The following ITGB2 variants were observed in gnomAD, a reference collection of about 807,000 sequenced individuals.
ITGB2 encodes integrin beta-2.
A neutral mutation model predicts 86.8 loss-of-function variants in ITGB2; 56 were observed. The ratio of observed to expected loss-of-function variants is 0.65; its 90% CI spans 0.52 to 0.81. ITGB2 has a LOEUF of 0.81. Ranked by LOEUF, ITGB2 falls within the 30% of genes least tolerant of loss-of-function variation. The pLI is 0.00. For missense variants in ITGB2, 948 were observed against 1,061.2 expected (o/e 0.89, Z 1.48); for synonymous variants, 457 against 450.4 (o/e 1.01, Z -0.19).
intron 1 of ITGB2, 31 bp from the exon 2 acceptor site, chr21:44,910,816 T>C (rs376426033): frequency 1.2e-6 from 2 of 1,606,164 alleles, no homozygotes; most frequent in African/African-American, 2.7e-5. Context: ...GGTGACGGTC[T>C]CAGGCCCAAC....
At chr21:44,892,604 C>CAAAAAAAAAAAAAAAAA in intron 10 of ITGB2, among the ~76,000 whole-genome samples, 1 of 71,144 alleles carries the variant, frequency 1.4e-5, no homozygotes, top group Non-Finnish European at 2.6e-5. Context: ...AACTCCATCT[C>CAAAAAAAAAAAAAAAAA]AAAAAAAAAA....
intron 15 of ITGB2, 125 bp from the exon 16 acceptor site, chr21:44,886,555 C>T (rs531788752): frequency 7.1e-7 from 1 of 1,399,128 alleles, no homozygotes; most frequent in East Asian, 2.3e-5. Flanking sequence ...GGGGCAGCCC[C>T]CCCAGGGTCC....
intron 4 of ITGB2, among the ~76,000 whole-genome samples, chr21:44,905,529 C>A (rs557182363): frequency 6.6e-6 from 1 of 152,348 alleles, no homozygotes; most frequent in South Asian, 2.1e-4. Flanking sequence ...TGGCCACAGG[C>A]AACACCTCTG....
chr21:44,910,407 T>C, intron 2 of ITGB2, 35 bp from the exon 3 acceptor site: 1 of 1,613,692 alleles, frequency 6.2e-7, no homozygotes, highest in South Asian at 1.1e-5. Context: ...GTGGGTGCTC[T>C]GGGCCGCCCT....
intron 13 of ITGB2, 146 bp downstream of exon 13, chr21:44,889,130 G>A (rs2083745211): frequency 1.5e-5 from 12 of 796,906 alleles, no homozygotes; most frequent in South Asian, 9.7e-5. Context: ...CACGGCGGCC[G>A]CGGAGGGCCC....
chr21:44,912,213 G>T (rs1330246968), intron 1 of ITGB2, among the ~76,000 whole-genome samples: 1 of 152,182 alleles, frequency 6.6e-6, no homozygotes, highest in African/African-American at 2.4e-5. Flanking sequence ...GGTTCAGTGG[G>T]CAGACCCAAG....
At position 44,888,868 on chromosome 21, in the gene ITGB2, T is replaced by C. The variant is rs2083738680; in HGVS notation, c.1905A>G (p.Glu635=). 1 of 1,607,948 alleles carries C rather than the reference T, an allele frequency of 6.2e-7. No individual in the cohort carries two copies. The highest frequency in any genetic ancestry group is 1.1e-5 in the South Asian group (1 of 91,086). ...TGCAGTTCTTCCCAAAGGGGCCCTTTTCGAACTTCAGGCACTCGGCGCAGG... is the reference window on the plus strand; with the variant it reads ...TGCAGTTCTTCCCAAAGGGGCCCTTCTCGAACTTCAGGCACTCGGCGCAGG... ...YISCAECLKF[E]KGPFGKNCSA... Residue 635 remains glutamate (E), a synonymous_variant, in exon 14 of 16, where the codon GAA becomes GAG. Coordinates refer to ENST00000652462, the MANE Select transcript of ITGB2 (RefSeq NM_000211.5).
chr21:44,910,157 A>G, intron 3 of ITGB2, 127 bp downstream of exon 3: 1 of 1,228,694 alleles, frequency 8.1e-7, no homozygotes, highest in South Asian at 1.5e-5. Context: ...GGGTGAGGCC[A>G]GGGTCTGGGG....
rs746369180 is a variant in ITGB2 at position 44,894,968 on chromosome 21, C to G, written c.1083+3G>C. ...TCCCAGCTGAGTGGTGCGGGAGACT[C>G]ACATTGTAAGCATTCTTAATGAGAT... On this transcript the variant is annotated splice_donor_region_variant and intron_variant, in intron 9 of 15. Transcript: ENST00000652462. 6.3e-7 allele frequency: 1 copy of G among 1,596,002 alleles called. No homozygotes were observed. The highest frequency in any genetic ancestry group is 1.7e-5 in the Admixed American group (1 of 59,984).
intron 8 of ITGB2, among the ~76,000 whole-genome samples, chr21:44,896,666 G>A (rs2083875454): frequency 6.6e-6 from 1 of 152,216 alleles, no homozygotes; most frequent in Admixed American, 6.5e-5. Flanking sequence ...TGGGAGAGCT[G>A]GGCCCTCCCA....
intron 13 of ITGB2, 157 bp downstream of exon 13, chr21:44,889,111 ACACAGGGG>A (rs1481811416): frequency 5.2e-5 from 37 of 707,588 alleles, no homozygotes; most frequent in Non-Finnish European, 7.6e-5. Context: ...GGGAGGAGGG[ACACAGGGG>A]CACGGCGGCC....
At chr21:44,919,022 C>CG (rs2084254718) in intron 1 of ITGB2, among the ~76,000 whole-genome samples, 1 of 143,898 alleles carries the variant, frequency 6.9e-6, no homozygotes, top group African/African-American at 2.6e-5. Flanking sequence ...CACTCGGAGG[C>CG]ACCTGCAGTT....
chr21:44,893,124 C>T (rs187446115), intron 10 of ITGB2: 62 of 399,340 alleles, frequency 1.6e-4, no homozygotes, highest in Non-Finnish European at 2.4e-4. Context: ...CTCTCACTGA[C>T]GTTCCTGACA....
Position 44,898,982 on chromosome 21 carries a change from G to A in ITGB2, c.993+85C>T, listed in dbSNP as rs1023942404. On this transcript the variant is annotated intron_variant, in intron 8 of 15. Coordinates refer to ENST00000652462, the MANE Select transcript of ITGB2 (RefSeq NM_000211.5). ...CACGTGCCCAGCATGCAGAGGTGGCGCTCAGACCTGCAGTGGCGCTGGGTC... is the reference window on the plus strand; with the variant it reads ...CACGTGCCCAGCATGCAGAGGTGGCACTCAGACCTGCAGTGGCGCTGGGTC... 23 of 1,087,982 alleles carry A rather than the reference G, an allele frequency of 2.1e-5. No homozygotes were observed. In the Admixed American group the frequency reaches 2.9e-4, roughly 13 times the overall value. 67.4% of individuals were successfully genotyped at this position (1,087,982 alleles called of 1,614,324 possible). A position where few individuals can be genotyped will look rare whatever the true frequency, so the allele number is the denominator to read the frequency against.
rs999711230 is a variant in ITGB2, at chr21:44,888,706, C to T, written c.2067G>A (p.Val689=). The T allele has an allele frequency of 8.1e-6, 13 of 1,609,172 alleles. No individual in the cohort carries two copies. The East Asian group carries it at 2.7e-4, about 33-fold the overall frequency. The change falls in exon 14 of 16, where the codon GTG becomes GTA. Residue 689 remains valine (V), a synonymous_variant. Transcript: ENST00000652462. ...QDGMDRYLIY[V]DESRECVAGP... ...CAGCGGCCTCACCTCGGCTCTCATC[C>T]ACATAGATGAGGTAGCGGTCCATCC...
At chr21:44,887,128 G>T (rs774551683) in intron 14 of ITGB2, among the ~76,000 whole-genome samples, 8 of 152,160 alleles carry the variant, frequency 5.3e-5, no homozygotes, top group Non-Finnish European at 1.2e-4. Flanking sequence ...AAGGGCCATT[G>T]CCACCACCCC....
At chr21:44,918,409 T>C (rs1024223748) in intron 1 of ITGB2, among the ~76,000 whole-genome samples, 1 of 152,102 alleles carries the variant, frequency 6.6e-6, no homozygotes, top group Non-Finnish European at 1.5e-5. Context: ...TGGGCCAGAG[T>C]GGACAGACCT....
rs2084050156 is a variant in ITGB2 at position 44,906,915 on chromosome 21, C to T, written c.328G>A (p.Gly110Ser). 27 of 1,614,116 alleles carry T rather than the reference C, an allele frequency of 1.7e-5. No homozygotes were observed. The highest frequency in any genetic ancestry group is 2.3e-5 in the Non-Finnish European group (27 of 1,180,040). ...PQKVTLYLRP[G>S]QAAAFNVTFR... ...GCACCACCACCGAGGCCAAGCCTAC[C>T]TGGTCGCAGGTAAAGCGTCACTTTT... The change falls in exon 4 of 16, where the codon GGC (glycine) becomes AGC (serine). Residue 110 changes from glycine to serine, a missense_variant and splice_region_variant. Transcript: ENST00000652462.
At chr21:44,918,773 T>C (rs1269380414) in intron 1 of ITGB2, among the ~76,000 whole-genome samples, 3 of 152,196 alleles carry the variant, frequency 2.0e-5, no homozygotes, top group Non-Finnish European at 4.4e-5. Context: ...TACCACCCTG[T>C]GGTTCAGGTG....
Sources: gnomAD v4.1 joint callset for allele counts (sites outside exome capture counted in the v4.1 genomes callset) on GRCh38, gnomAD v4.1.1 for gene constraint, MANE v1.5 for transcripts, NCBI Gene and HGNC (gene_info 2026-07-23, HGNC 2026-07-21) for gene names.